Variants in PACS1 observed in about 807,000 individuals in gnomAD.
PACS1 encodes phosphofurin acidic cluster sorting protein 1, also known as PACS-1.
In PACS1, 24 loss-of-function variants were observed where a neutral mutation model predicts 115.0. That is an observed-to-expected ratio of 0.21 (90% CI 0.15 to 0.29). PACS1 has a LOEUF of 0.29. Ranked by LOEUF, PACS1 falls within the 10% of genes least tolerant of loss-of-function variation. PACS1 has a pLI of 1.00. For synonymous variants in PACS1, 453 were observed against 504.5 expected (o/e 0.90, Z 1.37); for missense variants, 838 against 1,251.2 (o/e 0.67, Z 4.98).
At chr11:66,149,679 C>CAT (rs1554982390) in intron 1 of PACS1, among the ~76,000 whole-genome samples, 33,210 of 118,328 alleles carry the variant, frequency 0.28, 4,106 homozygotes, top group South Asian at 0.48. Context: ...ATCTTGTGTT[C>CAT]GTGTGTGTGT....
At chr11:66,139,207 T>A (rs1341981291) in intron 1 of PACS1, among the ~76,000 whole-genome samples, 1 of 152,200 alleles carries the variant, frequency 6.6e-6, no homozygotes, top group Non-Finnish European at 1.5e-5. Flanking sequence ...TTTTCATGTT[T>A]GTGGGTACAT....
intron 8 of PACS1, chr11:66,220,373 C>T (rs942258412): frequency 5.4e-5 from 26 of 480,878 alleles, no homozygotes; most frequent in African/African-American, 7.8e-5. Flanking sequence ...CGATGGGCCT[C>T]GGGATTCCTC....
At chr11:66,238,892 C>G (rs1230268626) in intron 20 of PACS1, 46 bp downstream of exon 20, 1 of 1,519,596 alleles carries the variant, frequency 6.6e-7, no homozygotes, top group Non-Finnish European at 9.0e-7. Context: ...CTGGTGCCCT[C>G]CCTGTCTTCC....
intron 2 of PACS1, among the ~76,000 whole-genome samples, chr11:66,193,957 T>C (rs1220633844): frequency 6.6e-6 from 1 of 152,094 alleles, no homozygotes; most frequent in African/African-American, 2.4e-5. Context: ...GGAAGCACTT[T>C]GGAGGTTTTC....
rs370305891 is a variant in PACS1 at position 66,073,421 on chromosome 11, T to A, written c.356+2579T>A. On this transcript the variant is annotated intron_variant, in intron 1 of 23. Transcript: ENST00000320580. ...AGAAATGTAAACATGATTGTGGATC[T>A]AAGGTTAGGTGTGCATAAGAATGTC... Among the ~76,000 whole-genome samples the A allele has an allele frequency of 3.9e-5, 6 of 152,334 alleles. No individual in the cohort carries two copies. The East Asian group carries it at 1.2e-3, about 29-fold the overall frequency.
intron 1 of PACS1, among the ~76,000 whole-genome samples, chr11:66,089,598 A>G (rs923086597): frequency 3.9e-5 from 6 of 152,132 alleles, no homozygotes; most frequent in Non-Finnish European, 5.9e-5. Context: ...TTGCAGCTCA[A>G]TCTTCTCCTC....
intron 1 of PACS1, among the ~76,000 whole-genome samples, chr11:66,133,296 G>C (rs1318076096): frequency 6.6e-6 from 1 of 152,202 alleles, no homozygotes; most frequent in Non-Finnish European, 1.5e-5. Context: ...TTTATAGCTA[G>C]TTTTGCAAGA....
chr11:66,174,877 G>A (rs1859818031), intron 1 of PACS1, among the ~76,000 whole-genome samples: 2 of 152,154 alleles, frequency 1.3e-5, no homozygotes, highest in Non-Finnish European at 2.9e-5. Context: ...TTGGCCAGGG[G>A]CAGTGGCTCA....
intron 1 of PACS1, among the ~76,000 whole-genome samples, chr11:66,110,302 A>AT (rs200994764): frequency 6.7e-6 from 1 of 150,010 alleles, no homozygotes; most frequent in Non-Finnish European, 1.5e-5. Context: ...AAAAAAAAAA[A>AT]TTTTTTTTAT....
rs112396585 is a variant in PACS1, at chr11:66,136,426, A to G, written c.357-57060A>G. ...TTTAACAAAACCTTCATATCCTCTA[A>G]CATCCCCACTCCAGAGAACACCCTA... On this transcript the variant is annotated intron_variant, in intron 1 of 23. Transcript: ENST00000320580. Among the ~76,000 whole-genome samples the G allele has an allele frequency of 2.6e-4, 39 of 152,140 alleles. 2 individuals are homozygous for G. The highest frequency in any genetic ancestry group is 9.2e-4 in the African/African-American group (38 of 41,416).
At chr11:66,101,030 A>G (rs1007347986) in intron 1 of PACS1, among the ~76,000 whole-genome samples, 1 of 152,212 alleles carries the variant, frequency 6.6e-6, no homozygotes, top group Non-Finnish European at 1.5e-5. Flanking sequence ...AGCCATATTC[A>G]GGGGGAGGGT....
intron 1 of PACS1, among the ~76,000 whole-genome samples, chr11:66,090,271 C>CTTTTTTTTTTTTTTTTTTTTTTTTT (rs930565654): frequency 9.1e-6 from 1 of 109,444 alleles, no homozygotes; most frequent in Non-Finnish European, 1.8e-5. Context: ...TCTTTCCTTT[C>CTTTTTTTTTTTTTTTTTTTTTTTTT]TTTTTTTTTT....
chr11:66,203,917 T>C (rs1448158717), intron 2 of PACS1, among the ~76,000 whole-genome samples: 1 of 152,144 alleles, frequency 6.6e-6, no homozygotes, highest in Admixed American at 6.6e-5. Flanking sequence ...GAAAACATTT[T>C]TCCAACTGCT....
At chr11:66,120,886 A>T (rs1858421586) in intron 1 of PACS1, 5 of 400,438 alleles carry the variant, frequency 1.2e-5, no homozygotes, top group Admixed American at 1.2e-4. Context: ...GCCCAGTTCA[A>T]GGGACGTCTT....
chr11:66,235,392 C>T lies in PACS1; in HGVS notation c.2196C>T (p.Cys732=). The T allele has an allele frequency of 6.2e-7, 1 of 1,612,602 alleles. No homozygotes were observed. The highest frequency in any genetic ancestry group is 8.5e-7 in the Non-Finnish European group (1 of 1,178,698). ...CCGTGGCCGAAGCCATGCTGACTTG[C>T]CGGCATAAGTTGTAAGTTTGACTTT... ...QLPVAEAMLT[C]RHKFPDEDSY... The change falls in exon 18 of 24, where the codon TGC becomes TGT. Residue 732 remains cysteine (C), a synonymous_variant. Coordinates refer to ENST00000320580, the MANE Select transcript of PACS1 (RefSeq NM_018026.4). This position sits in a 1 kb window ranked among gnomAD's most constrained non-coding sequence, Gnocchi z 5.6.
intron 1 of PACS1, among the ~76,000 whole-genome samples, chr11:66,152,623 C>T (rs917042180): frequency 6.6e-6 from 1 of 152,118 alleles, no homozygotes; most frequent in Non-Finnish European, 1.5e-5. Flanking sequence ...AGATAGAGAT[C>T]CTTTTGCAGC....
intron 1 of PACS1, among the ~76,000 whole-genome samples, chr11:66,077,465 G>A (rs1857416741): frequency 6.6e-6 from 1 of 152,164 alleles, no homozygotes; most frequent in African/African-American, 2.4e-5. Context: ...GGAGGCTGAG[G>A]TGGGAAGAGC....
At chr11:66,075,664 G>T (rs1484352746) in intron 1 of PACS1, among the ~76,000 whole-genome samples, 1 of 151,768 alleles carries the variant, frequency 6.6e-6, no homozygotes, top group Non-Finnish European at 1.5e-5. Context: ...TAAATTATAG[G>T]TATAAAGTAA....
intron 4 of PACS1, among the ~76,000 whole-genome samples, 169 bp from the exon 5 acceptor site, chr11:66,215,950 T>TAAG (rs1422568297): frequency 7.4e-6 from 1 of 134,428 alleles, no homozygotes; most frequent in South Asian, 2.3e-4. Flanking sequence ...ATAATAATAA[T>TAAG]AAACAAAGTA....
Sources: gnomAD v4.1 joint callset for allele counts (sites outside exome capture counted in the v4.1 genomes callset) on GRCh38, gnomAD v4.1.1 for gene constraint, Gnocchi (gnomAD v3.1) non-coding constraint, MANE v1.5 for transcripts, NCBI Gene and HGNC (gene_info 2026-07-23, HGNC 2026-07-21) for gene names.